ADAMTSL3: variants seen among roughly 807,000 people sequenced by gnomAD.
The protein encoded by ADAMTSL3 is ADAMTS-like protein 3.
ADAMTSL3 carries 128 observed loss-of-function variants against 201.7 expected under a neutral mutation model. The observed-to-expected ratio is 0.63, with a 90% CI of 0.55 to 0.73. The LOEUF is 0.73. Ranked by LOEUF, ADAMTSL3 falls within the 30% of genes least tolerant of loss-of-function variation. The pLI, the probability that ADAMTSL3 is intolerant of heterozygous loss-of-function variation, is 0.00. For missense variants in ADAMTSL3, 1,990 were observed against 2,119.6 expected (o/e 0.94, Z 1.20); for synonymous variants, 738 against 748.4 (o/e 0.99, Z 0.23).
intron 23 of ADAMTSL3, among the ~76,000 whole-genome samples, chr15:83,993,905 G>A (rs994383878): frequency 3.9e-5 from 6 of 152,170 alleles, no homozygotes; most frequent in Non-Finnish European, 5.9e-5. Context: ...TTAATGCATA[G>A]TAAGAACATT....
At chr15:83,686,890 T>C (rs775510652) in intron 2 of ADAMTSL3, among the ~76,000 whole-genome samples, 1 of 152,170 alleles carries the variant, frequency 6.6e-6, no homozygotes, top group Non-Finnish European at 1.5e-5. Context: ...CTAGTAGCTG[T>C]ATTAAAATAA....
chr15:83,700,531 A>C (rs1432534276), intron 2 of ADAMTSL3, among the ~76,000 whole-genome samples: 3 of 152,238 alleles, frequency 2.0e-5, no homozygotes, highest in Non-Finnish European at 4.4e-5. Flanking sequence ...TGGGAGGCCA[A>C]GGCGGGCAGG....
chr15:83,770,729 G>A (rs1243797883), intron 3 of ADAMTSL3, among the ~76,000 whole-genome samples: 1 of 151,934 alleles, frequency 6.6e-6, no homozygotes, highest in East Asian at 1.9e-4. Context: ...AATAGATCTG[G>A]AATTTATTTT....
chr15:83,982,912 A>C lies in ADAMTSL3; in HGVS notation c.3284A>C (p.Gln1095Pro). 2 of 1,614,158 alleles carry C rather than the reference A, an allele frequency of 1.2e-6. No individual in the cohort carries two copies. Among genetic ancestry groups the C allele is most frequent in the Non-Finnish European group, 1.7e-6 (2 of 1,180,032 alleles). ...KQGAYSMDTA[Q>P]FDELIRNMSQ... is the part of the protein sequence containing the mutation. ...GGAGCATATAGCATGGATACAGCCC[A>C]GTTTGATGAGCTGATAAGAAACATG... Residue 1095 changes from glutamine to proline, a missense_variant, in exon 21 of 30, where the codon CAG (glutamine) becomes CCG (proline). Transcript: ENST00000286744.
chr15:83,897,172 T>C (rs1328472770), intron 13 of ADAMTSL3, among the ~76,000 whole-genome samples: 1 of 152,112 alleles, frequency 6.6e-6, no homozygotes, highest in Non-Finnish European at 1.5e-5. Flanking sequence ...CATGAAAACA[T>C]TCCACTCATA....
chr15:83,661,763 G>C (rs2061168075), intron 2 of ADAMTSL3, among the ~76,000 whole-genome samples: 1 of 151,182 alleles, frequency 6.6e-6, no homozygotes, highest in African/African-American at 2.4e-5. Flanking sequence ...GTGGGCAAAG[G>C]ACATGAACAG....
At chr15:84,031,571 G>T in intron 28 of ADAMTSL3, 139 bp downstream of exon 28, 1 of 705,486 alleles carries the variant, frequency 1.4e-6, no homozygotes, top group Admixed American at 2.4e-5. Flanking sequence ...TTTATTTAGT[G>T]TCATCTTCAA....
chr15:83,971,589 A>T (rs980897778), intron 20 of ADAMTSL3, among the ~76,000 whole-genome samples: 1 of 150,276 alleles, frequency 6.7e-6, no homozygotes, highest in Admixed American at 6.6e-5. Context: ...AAAGAAAGAA[A>T]AAAAGAGTTG....
In ADAMTSL3 at chr15:83,859,188, C is replaced by T. The variant is rs144742599; in HGVS notation, c.802+348C>T. On this transcript the variant is annotated intron_variant, in intron 8 of 29. Transcript: ENST00000286744. ...AGTCACAAATTAATACTGGAGGCTACGCACTGGTTTGACCTGAAAAGGTGG... is the reference window on the plus strand; with the variant it reads ...AGTCACAAATTAATACTGGAGGCTATGCACTGGTTTGACCTGAAAAGGTGG... 2.0e-4 allele frequency among the ~76,000 whole-genome samples: 31 copies of T among 152,312 alleles called. No individual in the cohort carries two copies. The East Asian group carries it at 5.2e-3, about 26-fold the overall frequency.
At chr15:83,695,916 G>GT (rs147344455) in intron 2 of ADAMTSL3, among the ~76,000 whole-genome samples, 22,631 of 151,400 alleles carry the variant, frequency 0.15, 2,256 homozygotes, top group Admixed American at 0.28. Context: ...GTACATCATG[G>GT]TTTTTTTTTG....
chr15:83,784,734 C>T (rs1010498189), intron 4 of ADAMTSL3, among the ~76,000 whole-genome samples: 1 of 152,034 alleles, frequency 6.6e-6, no homozygotes, highest in Non-Finnish European at 1.5e-5. Flanking sequence ...TATTTTATAA[C>T]TATCTCTGTC....
At chr15:83,715,990 T>C (rs2062012528) in intron 3 of ADAMTSL3, among the ~76,000 whole-genome samples, 1 of 152,224 alleles carries the variant, frequency 6.6e-6, no homozygotes. Flanking sequence ...CTCTTTGAAA[T>C]AGTCACTCAT....
intron 26 of ADAMTSL3, among the ~76,000 whole-genome samples, chr15:84,025,001 G>C (rs979671225): frequency 1.3e-5 from 2 of 152,124 alleles, no homozygotes; most frequent in African/African-American, 2.4e-5. Flanking sequence ...TAAACCTGAA[G>C]ACAGCTGTAC....
At chr15:83,775,845 A>T (rs1331899214) in intron 4 of ADAMTSL3, among the ~76,000 whole-genome samples, 1 of 152,166 alleles carries the variant, frequency 6.6e-6, no homozygotes, top group Non-Finnish European at 1.5e-5. Context: ...CTCAGCTCTG[A>T]GACTGCTAGA....
chr15:83,778,901 T>G (rs574850473), intron 4 of ADAMTSL3, among the ~76,000 whole-genome samples: 2 of 151,894 alleles, frequency 1.3e-5, no homozygotes, highest in East Asian at 3.9e-4. Context: ...ACACATAGGC[T>G]CAAATAAAGG....
At chr15:83,949,106 G>C (rs12909818) in intron 19 of ADAMTSL3, among the ~76,000 whole-genome samples, 58,710 of 151,946 alleles carry the variant, frequency 0.39, 12,494 homozygotes, top group Middle Eastern at 0.56. Context: ...AGGTCTTACT[G>C]ATTCTTTCTA....
intron 10 of ADAMTSL3, among the ~76,000 whole-genome samples, chr15:83,887,530 G>T (rs1275313887): frequency 6.6e-6 from 1 of 152,122 alleles, no homozygotes; most frequent in Non-Finnish European, 1.5e-5. Flanking sequence ...GCATTTTTAT[G>T]AGGCAAAGGT....
chr15:83,811,921 C>G (rs984383439), intron 5 of ADAMTSL3, among the ~76,000 whole-genome samples: 5 of 152,184 alleles, frequency 3.3e-5, no homozygotes, highest in African/African-American at 1.2e-4. Context: ...GCCACAGTAT[C>G]TGCAGCTGTG....
intron 2 of ADAMTSL3, among the ~76,000 whole-genome samples, chr15:83,657,610 C>A (rs1385429559): frequency 1.3e-5 from 2 of 152,328 alleles, no homozygotes; most frequent in Non-Finnish European, 2.9e-5. Flanking sequence ...AGTGAAAAAC[C>A]AAACCAAACA....
Sources: gnomAD v4.1 joint callset for allele counts (sites outside exome capture counted in the v4.1 genomes callset) on GRCh38, gnomAD v4.1.1 for gene constraint, MANE v1.5 for transcripts, NCBI Gene and HGNC (gene_info 2026-07-23, HGNC 2026-07-21) for gene names.